Variants in DOP1B observed in about 807,000 individuals in gnomAD.
DOP1B encodes the protein DOP1 leucine zipper like protein B.
A neutral mutation model predicts 233.5 loss-of-function variants in DOP1B; 174 were observed. The ratio of observed to expected loss-of-function variants is 0.75; its 90% CI spans 0.66 to 0.85. DOP1B has a LOEUF of 0.85. DOP1B is among the 40% of genes least tolerant of loss of function. The pLI, the probability that DOP1B is intolerant of heterozygous loss-of-function variation, is 0.00. For synonymous variants in DOP1B, 1,190 were observed against 1,185.6 expected (o/e 1.00, Z -0.08); for missense variants, 2,652 against 2,846.6 (o/e 0.93, Z 1.56).
intron 26 of DOP1B, among the ~76,000 whole-genome samples, chr21:36,266,272 G>T (rs1038688875): frequency 1.3e-5 from 2 of 152,134 alleles, no homozygotes; most frequent in Non-Finnish European, 2.9e-5. Flanking sequence ...CGCCTCCCAG[G>T]TTCAAGCGAT....
At chr21:36,176,835 T>C (rs1158675072) in intron 2 of DOP1B, among the ~76,000 whole-genome samples, 1 of 152,114 alleles carries the variant, frequency 6.6e-6, no homozygotes, top group Non-Finnish European at 1.5e-5. Flanking sequence ...CTTTTCTTTT[T>C]TGAGACAGAG....
chr21:36,245,875 C>T lies in DOP1B; in HGVS notation c.3895C>T (p.Gln1299Ter). 1.2e-6 allele frequency: 2 copies of T among 1,613,834 alleles called. No individual in the cohort carries two copies. Among genetic ancestry groups the T allele is most frequent in the Non-Finnish European group, 1.7e-6 (2 of 1,180,024 alleles). Residue 1299 changes from glutamine (Q) to a stop codon, truncating the protein, a stop_gained, in exon 19 of 37, where the codon CAG (glutamine) becomes TAG (stop). Transcript: ENST00000691173. LOFTEE classifies it high-confidence loss of function. This position sits in a 1 kb window ranked among gnomAD's most constrained non-coding sequence, Gnocchi z 5.5. ...TGGCCAGAGTTTCTACGGAAAGCTC[C>T]AGACCCAGGTCCCCAACGTGTGCCC... is the stretch of plus-strand genomic sequence containing the variant. ...LIGQSFYGKL[Q>*]TQVPNVCPHS... is the part of the protein sequence containing the mutation.
chr21:36,260,844 A>G (rs1569057994), intron 24 of DOP1B, 112 bp downstream of exon 24: 3 of 1,548,718 alleles, frequency 1.9e-6, no homozygotes, highest in Admixed American at 4.4e-5. Flanking sequence ...GCCATTGTTC[A>G]GAAAATATCT....
intron 24 of DOP1B, chr21:36,261,970 A>G (rs1192835721): frequency 5.1e-6 from 5 of 984,846 alleles, no homozygotes; most frequent in Non-Finnish European, 6.0e-6. Context: ...AAGCCTCACT[A>G]TGCCTACATA....
intron 2 of DOP1B, chr21:36,169,202 G>A (rs2065946462): frequency 9.6e-7 from 1 of 1,040,430 alleles, no homozygotes; most frequent in Admixed American, 1.7e-5. Context: ...AGAGTTATTG[G>A]TCACTTCACC....
chr21:36,246,552 G>T lies in DOP1B; in HGVS notation c.4572G>T (p.Thr1524=), dbSNP rs147991550. The change falls in exon 19 of 37, where the codon ACG becomes ACT. Residue 1524 remains threonine, a synonymous_variant. Transcript: ENST00000691173. This position sits in a 1 kb window ranked among gnomAD's most constrained non-coding sequence, Gnocchi z 5.1. The part of the protein sequence containing the change: ...GMHPAWVSLV[T]HSLPYFGKSL... ...ATCCGGCCTGGGTGAGCTTGGTCAC[G>T]CATTCCTTGCCCTACTTCGGAAAGT... is the stretch of plus-strand genomic sequence containing the variant. 1.5e-3 allele frequency: 2,479 copies of T among 1,614,162 alleles called. 5 individuals carry two copies. The highest frequency in any genetic ancestry group is 7.4e-3 in the Middle Eastern group (45 of 6,062).
chr21:36,227,534 A>C lies in DOP1B; in HGVS notation c.1474-152A>C, dbSNP rs546191402. The stretch of plus-strand genomic sequence containing the variant: ...TGCACTCCAGCCTGGGCTACAGAGC[A>C]AGACTCTGTCAAAAAAAAAGAAAGA... On this transcript the variant is annotated intron_variant, in intron 12 of 36. Transcript: ENST00000691173. The C allele has an allele frequency of 1.8e-5, 13 of 714,740 alleles. No individual in the cohort carries two copies. The Admixed American group carries it at 3.2e-4, about 17-fold the overall frequency. The allele number at this position is 714,740 out of a possible 1,614,324, so 44.3% of individuals were successfully genotyped here.
At chr21:36,188,584 T>G (rs1284776567) in intron 2 of DOP1B, among the ~76,000 whole-genome samples, 1 of 152,230 alleles carries the variant, frequency 6.6e-6, no homozygotes, top group Non-Finnish European at 1.5e-5. Flanking sequence ...TGACTCACTG[T>G]GCCACTGTGC....
chr21:36,261,444 G>A, intron 24 of DOP1B: 1 of 986,580 alleles, frequency 1.0e-6, no homozygotes, highest in Non-Finnish European at 1.2e-6. Context: ...TATGTGGAGA[G>A]GTATCTGCTT....
chr21:36,181,949 T>C (rs969154338), intron 2 of DOP1B, among the ~76,000 whole-genome samples: 2 of 152,226 alleles, frequency 1.3e-5, no homozygotes, highest in South Asian at 2.1e-4. Flanking sequence ...TAACTACTTA[T>C]CTTTATATGG....
chr21:36,215,694 T>C (rs1292654497), intron 9 of DOP1B, among the ~76,000 whole-genome samples: 1 of 146,178 alleles, frequency 6.8e-6, no homozygotes, highest in African/African-American at 2.5e-5. Context: ...TGTGAGCCAC[T>C]GCACCTGGCC....
intron 26 of DOP1B, among the ~76,000 whole-genome samples, chr21:36,264,402 T>A (rs949957182): frequency 6.6e-6 from 1 of 151,924 alleles, no homozygotes; most frequent in African/African-American, 2.4e-5. Context: ...CAGAGAGAGA[T>A]CCTGTCTCAA....
At chr21:36,208,460 G>A (rs1484193668) in intron 4 of DOP1B, among the ~76,000 whole-genome samples, 1 of 152,204 alleles carries the variant, frequency 6.6e-6, no homozygotes, top group African/African-American at 2.4e-5. Flanking sequence ...CGACTGCTTA[G>A]CCACTTTCCA....
chr21:36,218,336 A>G (rs2066583985), intron 9 of DOP1B, among the ~76,000 whole-genome samples: 1 of 152,156 alleles, frequency 6.6e-6, no homozygotes, highest in Non-Finnish European at 1.5e-5. Flanking sequence ...GTTCAAGACC[A>G]ACATGGCAAA....
chr21:36,160,707 A>T (rs935432203), intron 1 of DOP1B, among the ~76,000 whole-genome samples: 2 of 152,078 alleles, frequency 1.3e-5, no homozygotes, highest in African/African-American at 2.4e-5. Flanking sequence ...CGAACTCCTG[A>T]TGTCAGGTGA....
rs144551122 is a variant in DOP1B, at chr21:36,245,216, C to T, written c.3236C>T (p.Pro1079Leu). Reference sequence around the variant, plus strand: ...GTGGAGAAGGAGCCCGAGAAGTACCCGCTGCGAGGCGAGCTGAGCGAGGAA... The same window carrying T: ...GTGGAGAAGGAGCCCGAGAAGTACCTGCTGCGAGGCGAGCTGAGCGAGGAA... ...AEVEKEPEKY[P>L]LRGELSEEEL... Residue 1079 changes from proline (P) to leucine (L), a missense_variant, in exon 19 of 37, where the codon CCG becomes CTG. By Grantham distance (98) the Pro-to-Leu change is moderately conservative (BLOSUM62 -3). Transcript: ENST00000691173. The surrounding 1 kb of genome is among the most constrained non-coding windows in gnomAD (Gnocchi z 5.5). 3.2e-5 allele frequency: 51 copies of T among 1,614,096 alleles called. No individual in the cohort carries two copies. In the East Asian group the frequency reaches 5.3e-4, roughly 17 times the overall value.
chr21:36,166,397 A>G (rs1012678823), intron 2 of DOP1B, among the ~76,000 whole-genome samples: 2 of 151,648 alleles, frequency 1.3e-5, no homozygotes, highest in African/African-American at 4.8e-5. Context: ...AGATTGCACC[A>G]CTGCCCTCCA....
intron 23 of DOP1B, 35 bp downstream of exon 23, chr21:36,253,944 G>C: frequency 6.2e-7 from 1 of 1,601,260 alleles, no homozygotes; most frequent in Non-Finnish European, 8.5e-7. Flanking sequence ...GGCTTCTGCA[G>C]ATTAGTGGGT....
intron 18 of DOP1B, among the ~76,000 whole-genome samples, chr21:36,244,577 A>C (rs957588374): frequency 3.9e-5 from 6 of 151,990 alleles, no homozygotes; most frequent in Non-Finnish European, 7.4e-5. Context: ...AGCACCTGCC[A>C]CCACGCCCAG....
Sources: allele counts gnomAD v4.1 joint callset (sites outside exome capture counted in the v4.1 genomes callset), GRCh38; gene constraint gnomAD v4.1.1; non-coding constraint Gnocchi (gnomAD v3.1); transcripts MANE v1.5; gene names NCBI Gene and HGNC (gene_info 2026-07-23, HGNC 2026-07-21).